Variants in CPA1 observed in about 807,000 individuals in gnomAD.
The protein encoded by CPA1 is carboxypeptidase A1 (pancreatic).
Under a neutral mutation model 48.7 loss-of-function variants are expected in CPA1, and 42 were observed. The observed-to-expected ratio is 0.86, with a 90% CI of 0.67 to 1.11. The LOEUF is 1.11. Among genes scored for constraint, CPA1 ranks in the 50% most tolerant of loss-of-function variants. The pLI is 0.00. For missense variants in CPA1, 477 were observed against 544.7 expected (o/e 0.88, Z 1.24); for synonymous variants, 203 against 217.9 (o/e 0.93, Z 0.60).
chr7:130,384,962 C>A (rs1473728637), intron 7 of CPA1, 184 bp from the exon 8 acceptor site: 3 of 646,240 alleles, frequency 4.6e-6, no homozygotes, highest in Admixed American at 2.7e-5. Flanking sequence ...TCCATCAGCT[C>A]TGCCCAAACC....
At chr7:130,381,889 C>A in intron 3 of CPA1, 26 bp downstream of exon 3, 1 of 1,590,438 alleles carries the variant, frequency 6.3e-7, no homozygotes, top group East Asian at 2.2e-5. Flanking sequence ...GCGGCCGCTC[C>A]CTGCAGCCAC....
At position 130,387,410 on chromosome 7, in the gene CPA1, G is replaced by A. The variant is rs10215193; in HGVS notation, c.1073-414G>A. ...TTTCCTCCTAAAAGAAAGACAAGGG[G>A]CTTTTGCTTTGACTCTGGCTCTTTG... is the stretch of plus-strand genomic sequence containing the variant. On this transcript the variant is annotated intron_variant, in intron 9 of 9. Transcript: ENST00000011292. This position sits in a 1 kb window ranked among gnomAD's most constrained non-coding sequence, Gnocchi z 4.6. 0.062 allele frequency among the ~76,000 whole-genome samples: 9,424 copies of A among 152,240 alleles called. 908 individuals carry two copies. Among genetic ancestry groups the A allele is most frequent in the African/African-American group, 0.21 (8,563 of 41,498 alleles).
Position 130,385,852 on chromosome 7 carries a change from A to C in CPA1, c.1001A>C (p.Lys334Thr). 2 of 1,613,906 alleles carry C rather than the reference A, an allele frequency of 1.2e-6. No individual in the cohort carries two copies. The highest frequency in any genetic ancestry group is 8.5e-7 in the Non-Finnish European group (1 of 1,179,894). ...PDQDELDQLS[K>T]AAVTALASLY... ...TGTTTTGTCCAGGATCAGCTTTCCA[A>C]GGCTGCTGTGACAGCCCTGGCCTCT... Residue 334 changes from lysine to threonine, a missense_variant, in exon 9 of 10, where the codon AAG (lysine) becomes ACG (threonine). Coordinates refer to ENST00000011292, the MANE Select transcript of CPA1 (RefSeq NM_001868.4).
At position 130,383,796 on chromosome 7, in the gene CPA1, T is replaced by TAC; in HGVS notation, c.696+3_696+4dup. 6.2e-7 allele frequency: 1 copy of TAC among 1,604,500 alleles called. No homozygotes were observed. The highest frequency in any genetic ancestry group is 8.5e-7 in the Non-Finnish European group (1 of 1,172,132). ...GGCTTTGCCTTCACGCACAGCACGGTACCGGCCTTCTCCTGTCCTTGGGGG... is the reference window on the plus strand; with the variant it reads ...GGCTTTGCCTTCACGCACAGCACGGTACACCGGCCTTCTCCTGTCCTTGGGGG... On this transcript the variant is annotated splice_region_variant and intron_variant, in intron 6 of 9. Coordinates refer to ENST00000011292, the MANE Select transcript of CPA1 (RefSeq NM_001868.4).
rs1489475438 is a variant in CPA1, at chr7:130,387,394, AAAAG to A, written c.1073-424_1073-421del. On this transcript the variant is annotated intron_variant, in intron 9 of 9. Transcript: ENST00000011292. The surrounding 1 kb of genome is among the most constrained non-coding windows in gnomAD (Gnocchi z 4.6). Reference sequence around the variant, plus strand: ...AGTTTCCCGGGCAAAGTTTCCTCCTAAAAGAAAGACAAGGGGCTTTTGCTTTGAC... The same window carrying A: ...AGTTTCCCGGGCAAAGTTTCCTCCTAAAAGACAAGGGGCTTTTGCTTTGAC... Among the ~76,000 whole-genome samples, 3 of 152,282 alleles carry A rather than the reference AAAAG, an allele frequency of 2.0e-5. No individual in the cohort carries two copies. The highest frequency in any genetic ancestry group is 2.1e-4 in the South Asian group (1 of 4,816).
intron 9 of CPA1, among the ~76,000 whole-genome samples, chr7:130,386,817 C>G: frequency 6.6e-6 from 1 of 152,000 alleles, no homozygotes; most frequent in Non-Finnish European, 1.5e-5. Flanking sequence ...TGTGAGGTGA[C>G]GAATGCTGGG....
chr7:130,381,936 C>T lies in CPA1; in HGVS notation c.381+73C>T. Reference sequence around the variant, plus strand: ...CATGGCTGGTAGAACGCGGTAGGGCCAAGGCCAGGGCCAGCCTGGGTGTGC... The same window carrying T: ...CATGGCTGGTAGAACGCGGTAGGGCTAAGGCCAGGGCCAGCCTGGGTGTGC... On this transcript the variant is annotated intron_variant, in intron 3 of 9. Coordinates refer to ENST00000011292, the MANE Select transcript of CPA1 (RefSeq NM_001868.4). 3 of 1,434,884 alleles carry T rather than the reference C, an allele frequency of 2.1e-6. No homozygotes were observed. The South Asian group carries it at 3.7e-5, about 18-fold the overall frequency. 88.9% of individuals were successfully genotyped at this position (1,434,884 alleles called of 1,614,324 possible).
intron 7 of CPA1, chr7:130,384,862 T>C: frequency 4.9e-6 from 3 of 606,600 alleles, no homozygotes; most frequent in Non-Finnish European, 8.7e-6. Flanking sequence ...CCTAGGGGGC[T>C]TCTAGCTTAA....
At chr7:130,385,992 AG>A in intron 9 of CPA1, 69 bp downstream of exon 9, 6 of 1,402,510 alleles carry the variant, frequency 4.3e-6, no homozygotes, top group Non-Finnish European at 6.0e-6. Flanking sequence ...TGACCGAGGG[AG>A]TATCCCTCAT....
chr7:130,381,052 G>C lies in CPA1; in HGVS notation c.66-46G>C, dbSNP rs781846291. ...GCACCTGGGGAGTGCTTGTGGCCAG[G>C]GCAGGTGCAGCTTGGGTGCTCACTC... On this transcript the variant is annotated intron_variant, in intron 1 of 9. Transcript: ENST00000011292. The C allele has an allele frequency of 7.3e-5, 110 of 1,515,460 alleles. No homozygotes were observed. The East Asian group carries it at 2.4e-3, about 34-fold the overall frequency. 93.9% of individuals were successfully genotyped at this position (1,515,460 alleles called of 1,614,324 possible).
chr7:130,384,467 A>ACG (rs35325022), intron 6 of CPA1, 69 bp from the exon 7 acceptor site: 49 of 1,376,042 alleles, frequency 3.6e-5, no homozygotes, highest in East Asian at 4.6e-5. Flanking sequence ...CCTCTGAACC[A>ACG]CCCCCCACCC....
chr7:130,383,370 A>G, intron 4 of CPA1, 21 bp from the exon 5 acceptor site: 1 of 1,606,246 alleles, frequency 6.2e-7, no homozygotes. Flanking sequence ...GCCTCTGATC[A>G]CTCCCCTGCC....
chr7:130,380,740 T>G, intron 1 of CPA1, 155 bp downstream of exon 1: 5 of 477,898 alleles, frequency 1.0e-5, no homozygotes, highest in Non-Finnish European at 1.5e-5. Context: ...GCAACCAGGG[T>G]TGGGAAGAGG....
At position 130,381,648 on chromosome 7, in the gene CPA1, C is replaced by T. The variant is rs1554411193; in HGVS notation, c.166C>T (p.Pro56Ser). The change falls in exon 3 of 10, where the codon CCT becomes TCT. Residue 56 changes from proline (P) to serine (S), a missense_variant. Physicochemically the swap from Pro to Ser is moderately conservative, Grantham distance 74 (BLOSUM62 -1). Coordinates refer to ENST00000011292, the MANE Select transcript of CPA1 (RefSeq NM_001868.4). ...EHLQLDFWRG[P>S]AHPGSPIDVR... ...TCCCCAGCTGGACTTCTGGCGGGGG[C>T]CTGCCCACCCTGGCTCCCCCATCGA... 6.2e-7 allele frequency: 1 copy of T among 1,613,742 alleles called. No individual in the cohort carries two copies. The highest frequency in any genetic ancestry group is 8.5e-7 in the Non-Finnish European group (1 of 1,179,888).
At chr7:130,380,631 G>C (rs1254913703) in intron 1 of CPA1, 46 bp downstream of exon 1, 1 of 1,101,690 alleles carries the variant, frequency 9.1e-7, no homozygotes, top group Non-Finnish European at 1.2e-6. Flanking sequence ...GTGATGGGGA[G>C]GACTCAGCCC....
Position 130,381,080 on chromosome 7 carries a change from C to G in CPA1, c.66-18C>G. 1 of 1,609,220 alleles carries G rather than the reference C, an allele frequency of 6.2e-7. No homozygotes were observed. Among genetic ancestry groups the G allele is most frequent in the Non-Finnish European group, 8.5e-7 (1 of 1,176,920 alleles). On this transcript the variant is annotated intron_variant, in intron 1 of 9. Transcript: ENST00000011292. The stretch of plus-strand genomic sequence containing the variant: ...AGGTGCAGCTTGGGTGCTCACTCCC[C>G]ACTCCCACTCTGCCCAGGCATCAGG...
At position 130,387,153 on chromosome 7, in the gene CPA1, C is replaced by T. The variant is rs909130747; in HGVS notation, c.1073-671C>T. 5.7e-4 allele frequency among the ~76,000 whole-genome samples: 87 copies of T among 152,334 alleles called. No homozygotes were observed. The highest frequency in any genetic ancestry group is 2.0e-3 in the African/African-American group (84 of 41,578). On this transcript the variant is annotated intron_variant, in intron 9 of 9. Coordinates refer to ENST00000011292, the MANE Select transcript of CPA1 (RefSeq NM_001868.4). This position sits in a 1 kb window ranked among gnomAD's most constrained non-coding sequence, Gnocchi z 4.6. The stretch of plus-strand genomic sequence containing the variant: ...CAGGGCTGCGTACACACCTCACACG[C>T]TTCCTGCCTGAGTGCCTAGGCCTTG...
At chr7:130,386,425 G>A (rs1216421953) in intron 9 of CPA1, among the ~76,000 whole-genome samples, 1 of 151,814 alleles carries the variant, frequency 6.6e-6, no homozygotes, top group Non-Finnish European at 1.5e-5. Flanking sequence ...CCAGCTACTC[G>A]GGAGGCTGAG....
At position 130,381,175 on chromosome 7, in the gene CPA1, T is replaced by G; in HGVS notation, c.143T>G (p.Leu48Arg). 6.2e-7 allele frequency: 1 copy of G among 1,612,270 alleles called. No individual in the cohort carries two copies. The highest frequency in any genetic ancestry group is 8.5e-7 in the Non-Finnish European group (1 of 1,179,064). Residue 48 changes from leucine (L) to arginine (R), a missense_variant, in exon 2 of 10, where the codon CTG becomes CGG. Transcript: ENST00000011292. ...KVKELEDLEH[L>R]QLDFWRGPAH... ...AAGGAGCTGGAGGACCTGGAGCACC[T>G]GCAGGTCAGAAGAGGGGAGAAGGGC...
Sources: allele counts gnomAD v4.1 joint callset (sites outside exome capture counted in the v4.1 genomes callset), GRCh38; gene constraint gnomAD v4.1.1; non-coding constraint Gnocchi (gnomAD v3.1); transcripts MANE v1.5; gene names NCBI Gene and HGNC (gene_info 2026-07-23, HGNC 2026-07-21).